The following TMEM273 variants were observed in gnomAD, a reference collection of about 807,000 sequenced individuals.
The protein encoded by TMEM273 is transmembrane protein 273, also known as chromosome 10 open reading frame 128.
A neutral mutation model predicts 17.9 loss-of-function variants in TMEM273; 19 were observed. The ratio of observed to expected loss-of-function variants is 1.06; its 90% CI spans 0.74 to 1.55. TMEM273 has a LOEUF of 1.55. TMEM273 is among the 40% of genes most tolerant of loss of function. TMEM273 has a pLI of 0.00. For synonymous variants in TMEM273, 66 were observed against 62.0 expected (o/e 1.07, Z -0.31); for missense variants, 194 against 155.6 (o/e 1.25, Z -1.31).
chr10:49,176,731 C>T (rs1283263812), intron 1 of TMEM273, among the ~76,000 whole-genome samples: 2 of 152,114 alleles, frequency 1.3e-5, no homozygotes, highest in East Asian at 1.9e-4. Context: ...GGTCATGATG[C>T]TGCAGAGGAA....
intron 1 of TMEM273, among the ~76,000 whole-genome samples, chr10:49,170,505 G>T (rs977424631): frequency 2.0e-5 from 3 of 152,174 alleles, no homozygotes; most frequent in Admixed American, 6.5e-5. Flanking sequence ...AAGCTGTGAG[G>T]CTTCCCCTAA....
chr10:49,168,046 C>G, intron 1 of TMEM273, 84 bp from the exon 2 acceptor site: 2 of 1,550,370 alleles, frequency 1.3e-6, no homozygotes, highest in Non-Finnish European at 1.8e-6. Flanking sequence ...CTGGGAAAGC[C>G]TACCCCATGT....
intron 1 of TMEM273, among the ~76,000 whole-genome samples, chr10:49,175,948 C>A (rs116027824): frequency 1.3e-5 from 2 of 152,284 alleles, no homozygotes; most frequent in African/African-American, 4.8e-5. Context: ...ACTTGCCCCA[C>A]CTTTGAGCCT....
intron 6 of TMEM273, chr10:49,160,422 A>G (rs994864823): frequency 7.2e-5 from 11 of 152,234 alleles, no homozygotes; most frequent in African/African-American, 2.7e-4. Context: ...GGGACATTGT[A>G]TAAGACAACG....
chr10:49,186,068 G>GGAAGAAGAAGAAGAAGAAGAAGAAGAA (rs35480919), intron 1 of TMEM273, among the ~76,000 whole-genome samples: 923 of 67,150 alleles, frequency 0.014, 54 homozygotes, highest in Non-Finnish European at 0.02. Context: ...AAGAAGAAGA[G>GGAAGAAGAAGAAGAAGAAGAAGAAGAA]GAAGAAGAAG....
At chr10:49,180,071 C>A (rs968039654) in intron 1 of TMEM273, among the ~76,000 whole-genome samples, 12 of 152,194 alleles carry the variant, frequency 7.9e-5, no homozygotes, top group Non-Finnish European at 1.8e-4. Flanking sequence ...AAGTCCCCGC[C>A]CCCAGGGGTA....
At chr10:49,178,236 C>A (rs781377497) in intron 1 of TMEM273, 3 of 457,386 alleles carry the variant, frequency 6.6e-6, no homozygotes, top group Non-Finnish European at 1.3e-5. Flanking sequence ...GCTGCCCTTG[C>A]CCGGGGCCTC....
intron 6 of TMEM273, among the ~76,000 whole-genome samples, chr10:49,156,495 C>A (rs1986725): frequency 0.37 from 56,098 of 152,132 alleles, 10,567 homozygotes; most frequent in South Asian, 0.47. Flanking sequence ...GCAGACCCTG[C>A]GAAGGGCCTC....
intron 1 of TMEM273, among the ~76,000 whole-genome samples, chr10:49,185,524 A>G (rs1053841733): frequency 2.0e-5 from 3 of 152,214 alleles, no homozygotes; most frequent in Admixed American, 2.0e-4. Context: ...TCTCCAGTCA[A>G]TAAAGGGGAA....
intron 2 of TMEM273, among the ~76,000 whole-genome samples, 199 bp downstream of exon 2, chr10:49,167,710 G>A (rs1482228828): frequency 1.3e-5 from 2 of 152,206 alleles, no homozygotes; most frequent in Admixed American, 1.3e-4. Context: ...CGTCCCCTGT[G>A]TGGACGAGCT....
intron 6 of TMEM273, among the ~76,000 whole-genome samples, chr10:49,156,941 C>T (rs1265501555): frequency 6.6e-6 from 1 of 152,144 alleles, no homozygotes; most frequent in African/African-American, 2.4e-5. Context: ...GCCTCAAATG[C>T]CGTCAGGGGT....
chr10:49,170,900 C>T (rs1846523032), intron 1 of TMEM273, among the ~76,000 whole-genome samples: 1 of 152,178 alleles, frequency 6.6e-6, no homozygotes. Context: ...CCCTGCAAGC[C>T]TCCAGCACTG....
At position 49,155,530 on chromosome 10, in the gene TMEM273, T is replaced by A. The variant is rs1371589152; in HGVS notation, c.*362A>T. The A allele has an allele frequency of 9.1e-6, 3 of 329,412 alleles. No individual in the cohort carries two copies. The highest frequency in any genetic ancestry group is 1.2e-4 in the East Asian group (2 of 16,464). The allele number at this position is 329,412 out of a possible 1,614,324, so 20.4% of individuals were successfully genotyped here. A position where few individuals can be genotyped will look rare whatever the true frequency, so the allele number is the denominator to read the frequency against. On this transcript the variant is annotated 3_prime_UTR_variant, in exon 7 of 7. Transcript: ENST00000374153. ...GTAGGAAGCTGTGTGTTGGGTCGGA[T>A]TCCCCTTTTCATGAGCCATTTTCTG...
chr10:49,169,584 C>G (rs965572693), intron 1 of TMEM273, among the ~76,000 whole-genome samples: 1 of 152,230 alleles, frequency 6.6e-6, no homozygotes, highest in Non-Finnish European at 1.5e-5. Flanking sequence ...CTTATCTTCT[C>G]TCTTTCCCAC....
chr10:49,165,640 C>A lies in TMEM273; in HGVS notation c.269+126G>T, dbSNP rs148203576. The stretch of plus-strand genomic sequence containing the variant: ...AGTGTAAGGAGGGGACCACGAGGTG[C>A]ATTCTAGTCACCTAGAAAGCATGCC... On this transcript the variant is annotated intron_variant, in intron 4 of 6. Transcript: ENST00000374153. The A allele has an allele frequency of 2.8e-3, 3,909 of 1,397,412 alleles. 37 individuals are homozygous for A. Among genetic ancestry groups the A allele is most frequent in the Non-Finnish European group, 2.0e-3 (2,032 of 1,006,434 alleles). 86.6% of individuals were successfully genotyped at this position (1,397,412 alleles called of 1,614,324 possible). A position where few individuals can be genotyped will look rare whatever the true frequency, so the allele number is the denominator to read the frequency against.
chr10:49,170,306 G>T (rs2725193), intron 1 of TMEM273, among the ~76,000 whole-genome samples: 65,023 of 151,890 alleles, frequency 0.43, 14,741 homozygotes, highest in African/African-American at 0.58. Context: ...ACAGCATCAC[G>T]GTCTCCATTC....
intron 5 of TMEM273, among the ~76,000 whole-genome samples, chr10:49,163,185 G>T (rs1022224963): frequency 1.3e-5 from 2 of 152,146 alleles, no homozygotes; most frequent in Non-Finnish European, 2.9e-5. Context: ...CTACTCTCCC[G>T]CATCAGTGGA....
intron 1 of TMEM273, among the ~76,000 whole-genome samples, chr10:49,183,401 G>A (rs1009313149): frequency 6.0e-5 from 9 of 150,992 alleles, no homozygotes; most frequent in Non-Finnish European, 5.9e-5. Context: ...AGAGAAAGAG[G>A]CAATATATTA....
chr10:49,155,908 C>T lies in TMEM273; in HGVS notation c.374G>A (p.Arg125Lys), dbSNP rs760824370. The T allele has an allele frequency of 1.9e-6, 3 of 1,614,152 alleles. No homozygotes were observed. The highest frequency in any genetic ancestry group is 2.2e-5 in the East Asian group (1 of 44,886). ...FKAKPQFLQK[R>K]CTGD is the part of the protein sequence containing the mutation. The stretch of plus-strand genomic sequence containing the variant: ...ACCTACAGCTCAATCACCTGTGCAT[C>T]TCTGGAAAGGAAGAGAACCATCTGG... The change falls in exon 7 of 7, where the codon AGA (arginine) becomes AAA (lysine). Residue 125 changes from arginine (R) to lysine (K), a missense_variant and splice_region_variant. Physicochemically the swap from Arg to Lys is conservative, Grantham distance 26. Coordinates refer to ENST00000374153, the MANE Select transcript of TMEM273 (RefSeq NM_001288740.3).
Sources: gnomAD v4.1 joint callset for allele counts (sites outside exome capture counted in the v4.1 genomes callset) on GRCh38, gnomAD v4.1.1 for gene constraint, MANE v1.5 for transcripts, NCBI Gene and HGNC (gene_info 2026-07-23, HGNC 2026-07-21) for gene names.